The following NXPE4 variants were observed in gnomAD, a reference collection of about 807,000 sequenced individuals.
NXPE4 encodes the protein neurexophilin and PC-esterase domain family member 4, also known as NXPE family member 4.
NXPE4 carries 42 observed loss-of-function variants against 33.3 expected under a neutral mutation model. The observed-to-expected ratio is 1.26, with a 90% CI of 0.98 to 1.63. The LOEUF is 1.63. NXPE4 is among the 40% of genes most tolerant of loss of function. The pLI is 0.00. For missense variants in NXPE4, 709 were observed against 647.6 expected (o/e 1.09, Z -1.03); for synonymous variants, 253 against 234.9 (o/e 1.08, Z -0.71).
chr11:114,582,074 TA>T (rs1464450259), intron 3 of NXPE4, among the ~76,000 whole-genome samples: 1 of 152,166 alleles, frequency 6.6e-6, no homozygotes, highest in African/African-American at 2.4e-5. Flanking sequence ...ATTCTGTATA[TA>T]TTTTTTTCCC....
At chr11:114,658,767 A>G in the NXPE4 span, among the ~76,000 whole-genome samples, 6 of 152,192 alleles carry the variant, frequency 3.9e-5, no homozygotes, top group African/African-American at 1.4e-4. Context: ...AGAAGAGGAC[A>G]GGATCACTGA....
chr11:114,612,334 A>G, the NXPE4 span, among the ~76,000 whole-genome samples: 1 of 151,946 alleles, frequency 6.6e-6, no homozygotes, highest in African/African-American at 2.4e-5. Flanking sequence ...CCTGGTGGAT[A>G]GTAAGTACTG....
the NXPE4 span, among the ~76,000 whole-genome samples, chr11:114,616,685 T>A: frequency 2.0e-5 from 3 of 151,720 alleles, 1 homozygote; most frequent in African/African-American, 4.9e-5. Flanking sequence ...ATAATACGTG[T>A]TGCCTCGTCT....
chr11:114,602,784 TATA>T, the NXPE4 span, among the ~76,000 whole-genome samples: 35 of 144,414 alleles, frequency 2.4e-4, no homozygotes, highest in African/African-American at 6.5e-4. Context: ...CAGAATAATG[TATA>T]ATAATTATCT....
chr11:114,622,311 T>C, the NXPE4 span, among the ~76,000 whole-genome samples: 1 of 151,968 alleles, frequency 6.6e-6, no homozygotes, highest in African/African-American at 2.4e-5. Context: ...TGTTGCCTCA[T>C]GGGGAACCAC....
At chr11:114,588,976 G>T (rs1949376642) in intron 2 of NXPE4, among the ~76,000 whole-genome samples, 1 of 152,110 alleles carries the variant, frequency 6.6e-6, no homozygotes, top group South Asian at 2.1e-4. Context: ...TTATAGTAGG[G>T]ACCAGGAGGA....
rs1453235551 is a variant in NXPE4 at position 114,577,196 on chromosome 11, A to T, written c.1099+2936T>A. Among the ~76,000 whole-genome samples the T allele has an allele frequency of 9.4e-5, 14 of 149,372 alleles. No individual in the cohort carries two copies. In the Admixed American group the frequency reaches 9.4e-4, roughly 10 times the overall value. ...TATATATATAAAATGTTATACACAC[A>T]CACTGTGGAATACTACTCAGCCATG... On this transcript the variant is annotated intron_variant, in intron 5 of 5. Transcript: ENST00000375478.
chr11:114,578,054 A>G (rs1402873000), intron 5 of NXPE4, among the ~76,000 whole-genome samples: 2 of 152,176 alleles, frequency 1.3e-5, no homozygotes, highest in Non-Finnish European at 1.5e-5. Context: ...CATTAATTAG[A>G]CTTTTATCAG....
the NXPE4 span, among the ~76,000 whole-genome samples, chr11:114,611,122 T>A: frequency 5.3e-5 from 8 of 149,900 alleles, no homozygotes; most frequent in African/African-American, 2.0e-4. Flanking sequence ...GGATAGTTAG[T>A]ATTGCCTCAT....
intron 5 of NXPE4, among the ~76,000 whole-genome samples, chr11:114,578,517 T>C (rs920498453): frequency 1.3e-5 from 2 of 152,148 alleles, no homozygotes; most frequent in Non-Finnish European, 2.9e-5. Flanking sequence ...TTACCAGAGA[T>C]CACAATTTAA....
At chr11:114,612,807 TGGGA>T in the NXPE4 span, among the ~76,000 whole-genome samples, 1 of 151,336 alleles carries the variant, frequency 6.6e-6, no homozygotes, top group African/African-American at 2.4e-5. Flanking sequence ...TGTTGCCTCG[TGGGA>T]AAGCACTGTT....
At chr11:114,633,579 C>A in the NXPE4 span, among the ~76,000 whole-genome samples, 2 of 151,378 alleles carry the variant, frequency 1.3e-5, no homozygotes, top group African/African-American at 4.9e-5. Context: ...CGTCATTTAG[C>A]ATTAGGTATA....
the NXPE4 span, among the ~76,000 whole-genome samples, chr11:114,653,040 A>G: frequency 6.6e-6 from 1 of 152,222 alleles, no homozygotes; most frequent in Non-Finnish European, 1.5e-5. Context: ...TGTAGAACTC[A>G]TCATTATATA....
the NXPE4 span, among the ~76,000 whole-genome samples, chr11:114,624,737 C>A: frequency 4.0e-5 from 6 of 150,986 alleles, no homozygotes; most frequent in Admixed American, 6.6e-5. Flanking sequence ...GTATTGCCTC[C>A]AGGGTAACCA....
intron 2 of NXPE4, chr11:114,584,329 C>G: frequency 2.1e-6 from 1 of 483,092 alleles, no homozygotes; most frequent in South Asian, 1.7e-5. Flanking sequence ...TAATGAGTAC[C>G]TGGAGAAGAT....
the NXPE4 span, among the ~76,000 whole-genome samples, chr11:114,626,349 C>T: frequency 2.0e-5 from 3 of 152,220 alleles, no homozygotes; most frequent in African/African-American, 4.8e-5. Context: ...AGACTGCCTC[C>T]TCAAGTGGGT....
At chr11:114,622,858 A>G in the NXPE4 span, among the ~76,000 whole-genome samples, 1 of 151,778 alleles carries the variant, frequency 6.6e-6, no homozygotes, top group Non-Finnish European at 1.5e-5. Flanking sequence ...TTCATGGGAT[A>G]CCACTGTTAA....
chr11:114,585,871 C>G (rs1949282965), intron 2 of NXPE4, among the ~76,000 whole-genome samples: 1 of 152,132 alleles, frequency 6.6e-6, no homozygotes, highest in Non-Finnish European at 1.5e-5. Context: ...AAAGGGCTAC[C>G]TGAGGGCCAG....
chr11:114,651,248 A>G, the NXPE4 span, among the ~76,000 whole-genome samples: 3 of 151,948 alleles, frequency 2.0e-5, no homozygotes, highest in East Asian at 5.8e-4. Flanking sequence ...TCAGATGTTC[A>G]GATGTGTCCG....
Sources: allele counts gnomAD v4.1 joint callset (sites outside exome capture counted in the v4.1 genomes callset), GRCh38; gene constraint gnomAD v4.1.1; transcripts MANE v1.5; gene names NCBI Gene and HGNC (gene_info 2026-07-23, HGNC 2026-07-21).